The following MYO3B variants were observed in gnomAD, a reference collection of about 807,000 sequenced individuals.
MYO3B encodes myosin-IIIb.
Under a neutral mutation model 174.6 loss-of-function variants are expected in MYO3B, and 156 were observed. The observed-to-expected ratio is 0.89, with a 90% confidence interval of 0.78 to 1.02. The LOEUF (loss-of-function observed/expected upper bound fraction) is 1.02, where lower values mean the gene tolerates loss of function less well. MYO3B is among the 50% of genes least tolerant of loss of function. The pLI is 0.00. For missense variants in MYO3B, 1,632 were observed against 1,639.4 expected (o/e 1.00, Z 0.08); for synonymous variants, 563 against 569.1 (o/e 0.99, Z 0.15).
At chr2:170,583,088 G>A (rs1304286213) in intron 32 of MYO3B, among the ~76,000 whole-genome samples, 1 of 96,962 alleles carries the variant, frequency 1.0e-5, no homozygotes, top group East Asian at 2.8e-4. Context: ...CCCCACTGCA[G>A]CCCCTCCACC....
At chr2:170,315,765 C>CT (rs1397856134) in intron 7 of MYO3B, among the ~76,000 whole-genome samples, 3 of 152,154 alleles carry the variant, frequency 2.0e-5, no homozygotes, top group Admixed American at 6.5e-5. Flanking sequence ...TATGATACAA[C>CT]TGAGGCTTAG....
In MYO3B at chr2:170,214,416, G is replaced by A. The variant is rs759591897; in HGVS notation, c.359G>A (p.Gly120Asp). ...GGCTCAGTCACTGAGCTTGTCAAAG[G>A]TCTACTCAGATGTGGCCAGCGGTTG... is the stretch of plus-strand genomic sequence containing the variant. ...NGGSVTELVKGLLRCGQRLDE... is the reference protein window; with the variant it reads ...NGGSVTELVKDLLRCGQRLDE... Residue 120 changes from glycine to aspartate, a missense_variant, in exon 4 of 35, where the codon GGT becomes GAT. Coordinates refer to ENST00000408978, the MANE Select transcript of MYO3B (RefSeq NM_138995.5). The A allele has an allele frequency of 6.2e-7, 1 of 1,614,134 alleles. No homozygotes were observed. Among genetic ancestry groups the A allele is most frequent in the Non-Finnish European group, 8.5e-7 (1 of 1,180,008 alleles).
chr2:170,285,272 G>T (rs932502154), intron 7 of MYO3B, among the ~76,000 whole-genome samples: 5 of 151,354 alleles, frequency 3.3e-5, no homozygotes, highest in African/African-American at 4.9e-5. Context: ...ATTCCAAAGG[G>T]TTTTTTTTGT....
rs145602065 is a variant in MYO3B, at chr2:170,384,450, A to G, written c.1290+636A>G. 3.4e-3 allele frequency among the ~76,000 whole-genome samples: 525 copies of G among 152,270 alleles called. 4 individuals are homozygous for G. Among genetic ancestry groups the G allele is most frequent in the Non-Finnish European group, 3.9e-3 (267 of 68,024 alleles). Reference sequence around the variant, plus strand: ...TTTGTTTCTTTATTCTGTTTGAAATAGAAGTAGTCTAATTTGGCAAGCAAA... The same window carrying G: ...TTTGTTTCTTTATTCTGTTTGAAATGGAAGTAGTCTAATTTGGCAAGCAAA... On this transcript the variant is annotated intron_variant, in intron 12 of 34. Coordinates refer to ENST00000408978, the MANE Select transcript of MYO3B (RefSeq NM_138995.5).
At chr2:170,645,878 C>T (rs535367715) in intron 32 of MYO3B, among the ~76,000 whole-genome samples, 3 of 152,256 alleles carry the variant, frequency 2.0e-5, no homozygotes, top group South Asian at 2.1e-4. Flanking sequence ...CATTTATCGC[C>T]GCTTTGTCAG....
intron 22 of MYO3B, among the ~76,000 whole-genome samples, chr2:170,424,388 G>T (rs899090309): frequency 6.6e-6 from 1 of 152,206 alleles, no homozygotes; most frequent in East Asian, 1.9e-4. Context: ...GGAGGCCGAG[G>T]TGCATGGATC....
At chr2:170,410,411 C>G (rs1401032950) in intron 22 of MYO3B, among the ~76,000 whole-genome samples, 1 of 151,870 alleles carries the variant, frequency 6.6e-6, no homozygotes, top group Non-Finnish European at 1.5e-5. Context: ...GAAACCCCGT[C>G]TCTACTAAAA....
rs145835027 is a variant in MYO3B at position 170,209,933 on chromosome 2, A to G, written c.322-4446A>G. ...GATCCCTTTTACCTCTCTTTTGGATACTCCAGGGCCCTCTGTAGCATCCAA... is the reference window on the plus strand; with the variant it reads ...GATCCCTTTTACCTCTCTTTTGGATGCTCCAGGGCCCTCTGTAGCATCCAA... On this transcript the variant is annotated intron_variant, in intron 3 of 34. Coordinates refer to ENST00000408978, the MANE Select transcript of MYO3B (RefSeq NM_138995.5). Among the ~76,000 whole-genome samples the G allele has an allele frequency of 8.3e-3, 1,256 of 152,200 alleles. 9 individuals are homozygous for G. The highest frequency in any genetic ancestry group is 0.031 in the Middle Eastern group (9 of 294).
chr2:170,250,313 C>G (rs1317338664), intron 7 of MYO3B, among the ~76,000 whole-genome samples: 1 of 152,184 alleles, frequency 6.6e-6, no homozygotes, highest in Non-Finnish European at 1.5e-5. Context: ...GAAGTAGTTA[C>G]TGGACCATAG....
At position 170,435,086 on chromosome 2, in the gene MYO3B, G is replaced by A. The variant is rs1376134668; in HGVS notation, c.2651-8881G>A. Among the ~76,000 whole-genome samples the A allele has an allele frequency of 6.6e-5, 10 of 152,204 alleles. No individual in the cohort carries two copies. In the South Asian group the frequency reaches 1.0e-3, roughly 16 times the overall value. On this transcript the variant is annotated intron_variant, in intron 22 of 34. Transcript: ENST00000408978. ...TAATTACTGCAAGTATTGCACTAGC[G>A]TAGGTCTGTCTCAAGCTTGCTCCCA...
intron 32 of MYO3B, among the ~76,000 whole-genome samples, chr2:170,610,490 C>T (rs1213447209): frequency 1.3e-5 from 2 of 152,160 alleles, no homozygotes; most frequent in African/African-American, 4.8e-5. Context: ...ATCAGGCAGT[C>T]AAGTAATTTT....
At chr2:170,521,935 C>G (rs1224393663) in intron 30 of MYO3B, among the ~76,000 whole-genome samples, 1 of 152,164 alleles carries the variant, frequency 6.6e-6, no homozygotes, top group Non-Finnish European at 1.5e-5. Flanking sequence ...GTTCATCAGA[C>G]TCTGCAGCAT....
Position 170,387,150 on chromosome 2 carries a change from C to T in MYO3B, c.1419C>T (p.Ser473=). The T allele has an allele frequency of 6.2e-7, 1 of 1,614,084 alleles. No individual in the cohort carries two copies. The highest frequency in any genetic ancestry group is 8.5e-7 in the Non-Finnish European group (1 of 1,179,952). The change falls in exon 14 of 35, where the codon TCC becomes TCT. Residue 473 remains serine (S), a synonymous_variant. Transcript: ENST00000408978. ...TLREKILQVN[S]LVEAFGNSCT... ...GAGAGAAAATTCTACAAGTCAACTCCCTGGTGGAAGCCTTTGGGAACTCAT... is the reference window on the plus strand; with the variant it reads ...GAGAGAAAATTCTACAAGTCAACTCTCTGGTGGAAGCCTTTGGGAACTCAT...
At chr2:170,502,853 A>G (rs912493410) in intron 28 of MYO3B, among the ~76,000 whole-genome samples, 7 of 152,256 alleles carry the variant, frequency 4.6e-5, no homozygotes, top group South Asian at 2.1e-4. Flanking sequence ...CCTGGCTCCA[A>G]GTAAACTTCT....
At chr2:170,264,728 G>A (rs2093370171) in intron 7 of MYO3B, among the ~76,000 whole-genome samples, 1 of 152,184 alleles carries the variant, frequency 6.6e-6, no homozygotes, top group Non-Finnish European at 1.5e-5. Context: ...TATTACTACT[G>A]TCTTATGCTC....
chr2:170,499,867 G>A (rs1687125981), intron 27 of MYO3B, 59 bp downstream of exon 27: 2 of 1,525,686 alleles, frequency 1.3e-6, no homozygotes, highest in Non-Finnish European at 9.0e-7. Context: ...TTAAGTACTG[G>A]GGAATACTCA....
At chr2:170,283,499 T>C (rs935233916) in intron 7 of MYO3B, among the ~76,000 whole-genome samples, 6 of 152,202 alleles carry the variant, frequency 3.9e-5, no homozygotes, top group African/African-American at 1.4e-4. Flanking sequence ...ATCTTGAACC[T>C]CTCCCCTATA....
At chr2:170,404,908 C>G (rs1965136) in intron 20 of MYO3B, among the ~76,000 whole-genome samples, 5,369 of 152,140 alleles carry the variant, frequency 0.035, 150 homozygotes, top group South Asian at 0.099. Flanking sequence ...TAGGGCACCT[C>G]GTCCTGACAT....
intron 23 of MYO3B, 134 bp downstream of exon 23, chr2:170,444,180 C>A: frequency 1.7e-6 from 1 of 588,816 alleles, no homozygotes; most frequent in Non-Finnish European, 2.9e-6. Flanking sequence ...AGATTAAAGG[C>A]ATTTAGGAAA....
Sources: gnomAD v4.1 joint callset for allele counts (sites outside exome capture counted in the v4.1 genomes callset) on GRCh38, gnomAD v4.1.1 for gene constraint, MANE v1.5 for transcripts, NCBI Gene and HGNC (gene_info 2026-07-23, HGNC 2026-07-21) for gene names.